CDH13: variants seen among roughly 807,000 people sequenced by gnomAD.
CDH13 encodes cadherin-13.
In CDH13, 24 loss-of-function variants were observed where a neutral mutation model predicts 63.8. The observed-to-expected ratio is 0.38, with a 90% CI of 0.27 to 0.53. The LOEUF (loss-of-function observed/expected upper bound fraction) is 0.53, where lower values mean the gene tolerates loss of function less well. Ranked by LOEUF, CDH13 falls within the 20% of genes least tolerant of loss-of-function variation. The pLI, the probability that CDH13 is intolerant of heterozygous loss-of-function variation, is 0.85. For missense variants in CDH13, 1,049 were observed against 903.1 expected (o/e 1.16, Z -2.07); for synonymous variants, 503 against 355.3 (o/e 1.42, Z -4.67).
At chr16:83,661,628 C>A (rs1913453121) in intron 8 of CDH13, among the ~76,000 whole-genome samples, 1 of 152,188 alleles carries the variant, frequency 6.6e-6, no homozygotes, top group South Asian at 2.1e-4. Flanking sequence ...CAAGCCTCTT[C>A]TCCGTGAAAA....
At chr16:83,002,409 A>G (rs991872591) in intron 2 of CDH13, among the ~76,000 whole-genome samples, 2 of 152,194 alleles carry the variant, frequency 1.3e-5, no homozygotes, top group Non-Finnish European at 2.9e-5. Flanking sequence ...TCTAGAACCT[A>G]TGGAGGAAGT....
At chr16:83,404,511 G>T (rs2092013032) in intron 6 of CDH13, among the ~76,000 whole-genome samples, 1 of 152,202 alleles carries the variant, frequency 6.6e-6, no homozygotes, top group South Asian at 2.1e-4. Context: ...CCCACAAGAA[G>T]AACTTGATTA....
chr16:83,592,614 C>T (rs1467717715), intron 7 of CDH13, among the ~76,000 whole-genome samples: 1 of 152,060 alleles, frequency 6.6e-6, no homozygotes, highest in Non-Finnish European at 1.5e-5. Context: ...GTCCCTCAAC[C>T]GCAAATCTAT....
At chr16:82,955,732 C>T (rs1905985792) in intron 2 of CDH13, among the ~76,000 whole-genome samples, 1 of 152,138 alleles carries the variant, frequency 6.6e-6, no homozygotes, top group Non-Finnish European at 1.5e-5. Context: ...AGCATTTAGT[C>T]ATTGCTGGGA....
intron 1 of CDH13, among the ~76,000 whole-genome samples, chr16:82,638,683 C>G (rs1286393787): frequency 6.6e-6 from 1 of 152,110 alleles, no homozygotes; most frequent in African/African-American, 2.4e-5. Flanking sequence ...GAGGATTTGC[C>G]AATTCCCATA....
At chr16:83,711,068 G>A (rs1172132063) in intron 10 of CDH13, among the ~76,000 whole-genome samples, 5 of 152,176 alleles carry the variant, frequency 3.3e-5, no homozygotes, top group Admixed American at 2.6e-4. Flanking sequence ...CTTGCTACAC[G>A]CCACCACCTT....
In CDH13 at chr16:83,696,980, G is replaced by A. The variant is rs1049681149; in HGVS notation, c.1538+18519G>A. Among the ~76,000 whole-genome samples the A allele has an allele frequency of 2.6e-5, 4 of 152,102 alleles. No homozygotes were observed. In the East Asian group the frequency reaches 7.7e-4, roughly 29 times the overall value. ...TCGGTGCTGAGCTTCCTCTCCTCTCGCTCCTCTGGCAGTCTCTCCTCCAAC... is the reference window on the plus strand; with the variant it reads ...TCGGTGCTGAGCTTCCTCTCCTCTCACTCCTCTGGCAGTCTCTCCTCCAAC... On this transcript the variant is annotated intron_variant, in intron 10 of 13. Transcript: ENST00000567109.
chr16:83,158,171 C>T (rs533620221), intron 4 of CDH13, among the ~76,000 whole-genome samples: 4 of 152,152 alleles, frequency 2.6e-5, no homozygotes, highest in African/African-American at 9.6e-5. Flanking sequence ...TCCCACTCCC[C>T]CCGGACAACA....
At chr16:83,486,747 T>C in intron 7 of CDH13, 92 bp downstream of exon 7, 1 of 1,192,396 alleles carries the variant, frequency 8.4e-7, no homozygotes, top group South Asian at 1.4e-5. Context: ...GTGGTTTTTT[T>C]TAATACTGTA....
chr16:83,069,296 G>C (rs2032259683), intron 3 of CDH13, among the ~76,000 whole-genome samples: 1 of 152,120 alleles, frequency 6.6e-6, no homozygotes, highest in African/African-American at 2.4e-5. Flanking sequence ...TAGTGGAACT[G>C]TGGCACTCTT....
chr16:82,919,052 G>A (rs1362412507), intron 2 of CDH13, among the ~76,000 whole-genome samples: 2 of 151,952 alleles, frequency 1.3e-5, no homozygotes, highest in African/African-American at 4.8e-5. Flanking sequence ...ATGTTCCTTA[G>A]TACATTTTTC....
intron 2 of CDH13, among the ~76,000 whole-genome samples, chr16:82,896,276 A>AGTTTTTTTTTT (rs2041253487): frequency 1.1e-5 from 1 of 87,816 alleles, no homozygotes; most frequent in Non-Finnish European, 2.2e-5. Flanking sequence ...TAGGATTAGG[A>AGTTTTTTTTTT]TTTTTTTTTT....
chr16:82,770,319 A>C (rs1430762103), intron 1 of CDH13, among the ~76,000 whole-genome samples: 1 of 152,240 alleles, frequency 6.6e-6, no homozygotes, highest in Non-Finnish European at 1.5e-5. Flanking sequence ...GTTTATTATA[A>C]AAGTAATTCT....
intron 5 of CDH13, among the ~76,000 whole-genome samples, chr16:83,278,180 G>A (rs948175934): frequency 1.3e-5 from 2 of 152,062 alleles, no homozygotes; most frequent in African/African-American, 4.8e-5. Context: ...ATTTTAAGTA[G>A]CGGGAACCAA....
intron 7 of CDH13, among the ~76,000 whole-genome samples, chr16:83,502,125 C>T (rs183630800): frequency 2.8e-4 from 43 of 152,294 alleles, no homozygotes; most frequent in African/African-American, 8.2e-4. Context: ...TCAAAGAAGT[C>T]CTCATCCTAA....
chr16:83,510,139 G>T (rs1051865540), intron 7 of CDH13, among the ~76,000 whole-genome samples: 1 of 152,158 alleles, frequency 6.6e-6, no homozygotes, highest in Admixed American at 6.5e-5. Flanking sequence ...GGGCCATTTT[G>T]TAAGAAATAA....
At chr16:82,935,124 C>T (rs2042627419) in intron 2 of CDH13, among the ~76,000 whole-genome samples, 1 of 152,206 alleles carries the variant, frequency 6.6e-6, no homozygotes, top group African/African-American at 2.4e-5. Context: ...AATTGACTCA[C>T]AGTTTTGCAG....
At chr16:83,211,572 A>G (rs1001065952) in intron 4 of CDH13, among the ~76,000 whole-genome samples, 1 of 152,224 alleles carries the variant, frequency 6.6e-6, no homozygotes, top group African/African-American at 2.4e-5. Flanking sequence ...AGAGGTAGGC[A>G]TGGGACTTTG....
intron 1 of CDH13, among the ~76,000 whole-genome samples, chr16:82,852,573 A>G (rs893705547): frequency 2.0e-5 from 3 of 152,212 alleles, no homozygotes; most frequent in African/African-American, 7.2e-5. Flanking sequence ...TAAAATTGTA[A>G]TGGAGCAGCA....
Sources: allele counts gnomAD v4.1 joint callset (sites outside exome capture counted in the v4.1 genomes callset), GRCh38; gene constraint gnomAD v4.1.1; transcripts MANE v1.5; gene names NCBI Gene and HGNC (gene_info 2026-07-23, HGNC 2026-07-21).